Variants in SLC39A11 observed in about 807,000 individuals in gnomAD.
The protein encoded by SLC39A11 is solute carrier family 39 member 11.
A neutral mutation model predicts 36.1 loss-of-function variants in SLC39A11; 33 were observed. That is an observed-to-expected ratio of 0.91 (90% CI 0.69 to 1.22). The LOEUF (loss-of-function observed/expected upper bound fraction) is 1.22, where lower values mean the gene tolerates loss of function less well. SLC39A11 is among the 50% of genes most tolerant of loss of function. SLC39A11 has a pLI of 0.00. For synonymous variants in SLC39A11, 166 were observed against 170.3 expected, an observed-to-expected ratio of 0.97 and a Z score of 0.20; for missense variants, 432 against 430.3, an observed-to-expected ratio of 1.00 and a Z score of -0.03.
chr17:73,071,554 C>T (rs1327286965), intron 3 of SLC39A11, among the ~76,000 whole-genome samples: 3 of 152,212 alleles, frequency 2.0e-5, no homozygotes, highest in East Asian at 1.9e-4. Context: ...GAGAGCATTC[C>T]TCCAGCACAG....
rs539338831 is a variant in SLC39A11 at position 72,960,662 on chromosome 17, A to T, written c.307-12787T>A. On this transcript the variant is annotated intron_variant, in intron 4 of 9. Coordinates refer to ENST00000255559, the MANE Select transcript of SLC39A11 (RefSeq NM_139177.4). Reference sequence around the variant, plus strand: ...GTAAAAAATTAAATTAAATTTAATTAAATTAAAAAGCGGGTATAGTGGCAT... The same window carrying T: ...GTAAAAAATTAAATTAAATTTAATTTAATTAAAAAGCGGGTATAGTGGCAT... 9.3e-4 allele frequency among the ~76,000 whole-genome samples: 141 copies of T among 152,122 alleles called. 1 individual carries two copies. Among genetic ancestry groups the T allele is most frequent in the South Asian group, 8.3e-3 (40 of 4,800 alleles).
chr17:72,951,426 A>G (rs2085858242), intron 4 of SLC39A11, among the ~76,000 whole-genome samples: 1 of 152,130 alleles, frequency 6.6e-6, no homozygotes, highest in Non-Finnish European at 1.5e-5. Flanking sequence ...TAGTTTCTCT[A>G]GGAAGACTCC....
chr17:72,926,948 T>C (rs1567967291), intron 5 of SLC39A11, among the ~76,000 whole-genome samples: 1 of 146,786 alleles, frequency 6.8e-6, no homozygotes, highest in Non-Finnish European at 1.5e-5. Context: ...AATTACTGAA[T>C]AAAAGAGACC....
chr17:72,836,712 A>G (rs1030977631), intron 6 of SLC39A11, among the ~76,000 whole-genome samples: 1 of 152,144 alleles, frequency 6.6e-6, no homozygotes, highest in African/African-American at 2.4e-5. Context: ...TATCTAAATC[A>G]TGTATGTGGT....
intron 3 of SLC39A11, among the ~76,000 whole-genome samples, chr17:73,054,360 G>GAAAAAAAC (rs911567856): frequency 7.4e-6 from 1 of 135,794 alleles, no homozygotes; most frequent in Admixed American, 7.5e-5. Context: ...ACTCCATCTC[G>GAAAAAAAC]AAAAAAACAA....
At chr17:72,888,270 A>C (rs1167770146) in intron 5 of SLC39A11, among the ~76,000 whole-genome samples, 2 of 152,232 alleles carry the variant, frequency 1.3e-5, no homozygotes, top group Admixed American at 6.5e-5. Flanking sequence ...AAGATGTAAA[A>C]TATGCCTTCT....
chr17:72,891,443 T>C (rs191449584), intron 5 of SLC39A11, among the ~76,000 whole-genome samples: 93 of 152,252 alleles, frequency 6.1e-4, no homozygotes, highest in African/African-American at 1.8e-3. Flanking sequence ...TGGAAGGACC[T>C]GAAGAAAATT....
chr17:72,927,360 T>C (rs1372230806), intron 5 of SLC39A11, among the ~76,000 whole-genome samples: 1 of 152,134 alleles, frequency 6.6e-6, no homozygotes, highest in Admixed American at 6.6e-5. Flanking sequence ...CTGCGCCCAG[T>C]CCCAGCCCTG....
At chr17:72,670,284 T>G (rs1027006680) in intron 7 of SLC39A11, among the ~76,000 whole-genome samples, 2 of 150,856 alleles carry the variant, frequency 1.3e-5, no homozygotes, top group African/African-American at 4.9e-5. Flanking sequence ...GACAGGATGA[T>G]CACTTGAGGC....
chr17:73,083,921 T>C (rs1233907426), intron 3 of SLC39A11, among the ~76,000 whole-genome samples: 2 of 152,356 alleles, frequency 1.3e-5, no homozygotes, highest in Admixed American at 6.5e-5. Flanking sequence ...CATGTGATTA[T>C]GTTTATTTTT....
chr17:72,702,965 GA>G (rs1179724548), intron 7 of SLC39A11, among the ~76,000 whole-genome samples: 19 of 95,660 alleles, frequency 2.0e-4, no homozygotes, highest in East Asian at 1.2e-3. Flanking sequence ...TGGAAGAAAG[GA>G]AAAAAAAAAT....
rs145255196 is a variant in SLC39A11 at position 73,016,370 on chromosome 17, G to C, written c.306+15186C>G. On this transcript the variant is annotated intron_variant, in intron 4 of 9. Coordinates refer to ENST00000255559, the MANE Select transcript of SLC39A11 (RefSeq NM_139177.4). ...TTTTTTTTTGACAAAGTCTCGCTCT[G>C]TTGCCCACACTAGAGTGCAGTGGCA... Among the ~76,000 whole-genome samples the C allele has an allele frequency of 7.1e-3, 1,055 of 149,030 alleles. 8 individuals carry two copies. Among genetic ancestry groups the C allele is most frequent in the African/African-American group, 0.025 (1,011 of 40,394 alleles).
At chr17:73,033,931 G>C (rs760410090) in intron 3 of SLC39A11, among the ~76,000 whole-genome samples, 19 of 152,122 alleles carry the variant, frequency 1.2e-4, no homozygotes, top group Non-Finnish European at 2.2e-4. Context: ...CCCAGCAAAA[G>C]TCTTAGTGCC....
intron 5 of SLC39A11, among the ~76,000 whole-genome samples, chr17:72,875,213 G>A (rs1282187184): frequency 6.6e-6 from 1 of 152,194 alleles, no homozygotes; most frequent in Non-Finnish European, 1.5e-5. Flanking sequence ...TTTAAATCTT[G>A]TTCACATTAA....
chr17:72,738,691 T>C (rs1170328507), intron 6 of SLC39A11, among the ~76,000 whole-genome samples: 1 of 152,184 alleles, frequency 6.6e-6, no homozygotes, highest in Non-Finnish European at 1.5e-5. Context: ...ACTACTGAAT[T>C]ACCACCACTG....
chr17:72,898,202 C>T (rs7215166), intron 5 of SLC39A11, among the ~76,000 whole-genome samples: 75,180 of 151,966 alleles, frequency 0.49, 18,898 homozygotes, highest in East Asian at 0.72. Flanking sequence ...AAGATACCTG[C>T]GCACATAGAC....
intron 5 of SLC39A11, among the ~76,000 whole-genome samples, chr17:72,872,717 A>T (rs1373840393): frequency 6.6e-6 from 1 of 152,100 alleles, no homozygotes; most frequent in Non-Finnish European, 1.5e-5. Context: ...CGTTGTGGGG[A>T]CTGAAACTGT....
chr17:72,816,646 T>C (rs928257796), intron 6 of SLC39A11, among the ~76,000 whole-genome samples: 1 of 152,168 alleles, frequency 6.6e-6, no homozygotes, highest in Non-Finnish European at 1.5e-5. Context: ...GAGCTGGTCA[T>C]GCACAGAGAA....
chr17:73,022,012 G>C (rs918552652), intron 4 of SLC39A11, among the ~76,000 whole-genome samples: 3 of 152,256 alleles, frequency 2.0e-5, no homozygotes, highest in African/African-American at 7.2e-5. Flanking sequence ...CGACAACAGA[G>C]GTGGGTTTCT....
Sources: gnomAD v4.1 joint callset for allele counts (sites outside exome capture counted in the v4.1 genomes callset) on GRCh38, gnomAD v4.1.1 for gene constraint, MANE v1.5 for transcripts, NCBI Gene and HGNC (gene_info 2026-07-23, HGNC 2026-07-21) for gene names.